Variants in MARCHF11 observed in about 807,000 individuals in gnomAD.
MARCHF11 encodes the protein E3 ubiquitin-protein ligase MARCHF11.
MARCHF11 carries 29 observed loss-of-function variants against 37.3 expected under a neutral mutation model. That is an observed-to-expected ratio of 0.78 (90% confidence interval 0.58 to 1.06). The LOEUF is 1.06. MARCHF11 is among the 50% of genes least tolerant of loss of function. The probability of loss-of-function intolerance (pLI) is 0.00; values close to 1 mark genes in which losing one functional copy is unlikely to be tolerated. For synonymous variants in MARCHF11, 233 were observed against 228.0 expected (o/e 1.02, Z -0.20); for missense variants, 482 against 533.4 (o/e 0.90, Z 0.95).
chr5:16,107,169 C>A (rs1476410090), intron 2 of MARCHF11, among the ~76,000 whole-genome samples: 1 of 152,180 alleles, frequency 6.6e-6, no homozygotes, highest in Non-Finnish European at 1.5e-5. Flanking sequence ...ATCCACATAA[C>A]AGCTGAACCA....
chr5:16,135,478 T>C (rs1737592581), intron 2 of MARCHF11, among the ~76,000 whole-genome samples: 1 of 152,216 alleles, frequency 6.6e-6, no homozygotes, highest in African/African-American at 2.4e-5. Context: ...TCCACCCTAT[T>C]GGCCATCTAC....
At chr5:16,075,293 A>C (rs1310892629) in intron 3 of MARCHF11, among the ~76,000 whole-genome samples, 1 of 152,132 alleles carries the variant, frequency 6.6e-6, no homozygotes, top group Non-Finnish European at 1.5e-5. Flanking sequence ...TGGAATGCCC[A>C]CTCTTACATT....
chr5:16,072,012 T>G (rs1250245706), intron 3 of MARCHF11, among the ~76,000 whole-genome samples: 1 of 152,126 alleles, frequency 6.6e-6, no homozygotes, highest in Non-Finnish European at 1.5e-5. Flanking sequence ...CAGGCTGGAG[T>G]GCAGTGACGT....
chr5:16,081,842 G>C (rs777237340), intron 3 of MARCHF11, among the ~76,000 whole-genome samples: 10 of 152,178 alleles, frequency 6.6e-5, no homozygotes, highest in Non-Finnish European at 1.0e-4. Flanking sequence ...CCCCCCTTGA[G>C]GGGGCCTTAA....
At chr5:16,164,803 C>A (rs969969618) in intron 2 of MARCHF11, among the ~76,000 whole-genome samples, 1 of 152,044 alleles carries the variant, frequency 6.6e-6, no homozygotes, top group East Asian at 1.9e-4. Flanking sequence ...TTCATCCCTG[C>A]CATCATCCTA....
intron 2 of MARCHF11, among the ~76,000 whole-genome samples, chr5:16,103,024 T>C (rs1001754830): frequency 6.6e-6 from 1 of 150,506 alleles, no homozygotes; most frequent in Non-Finnish European, 1.5e-5. Context: ...CTAATATGTA[T>C]AAATGTATTC....
At chr5:16,104,015 G>A (rs931326987) in intron 2 of MARCHF11, among the ~76,000 whole-genome samples, 2 of 152,172 alleles carry the variant, frequency 1.3e-5, no homozygotes, top group African/African-American at 4.8e-5. Flanking sequence ...GTGAGCAAAA[G>A]GAAAATAGTT....
chr5:16,167,430 A>G (rs171097), intron 2 of MARCHF11, among the ~76,000 whole-genome samples: 147,262 of 152,170 alleles, frequency 0.97, 71,369 homozygotes, highest in East Asian at 1. Flanking sequence ...ATGTTCCAGC[A>G]TGAAAACAGG....
intron 2 of MARCHF11, among the ~76,000 whole-genome samples, chr5:16,137,078 C>G (rs1165715007): frequency 4.6e-5 from 7 of 151,996 alleles, no homozygotes; most frequent in Non-Finnish European, 7.4e-5. Context: ...AGTATTAAAA[C>G]TAACACATCT....
intron 2 of MARCHF11, among the ~76,000 whole-genome samples, chr5:16,126,676 C>G (rs1455123906): frequency 1.3e-5 from 2 of 152,152 alleles, no homozygotes; most frequent in African/African-American, 4.8e-5. Context: ...AGTCTTTGGT[C>G]CTGTGTACAG....
chr5:16,168,680 G>A (rs1738209360), intron 2 of MARCHF11, among the ~76,000 whole-genome samples: 1 of 152,066 alleles, frequency 6.6e-6, no homozygotes, highest in Non-Finnish European at 1.5e-5. Context: ...CCATGGGGCT[G>A]GAGGTCTCAC....
At chr5:16,176,238 T>A (rs1738360818) in intron 2 of MARCHF11, among the ~76,000 whole-genome samples, 1 of 152,154 alleles carries the variant, frequency 6.6e-6, no homozygotes, top group South Asian at 2.1e-4. Flanking sequence ...AGTCTTCTGT[T>A]TCAGCCAATG....
intron 2 of MARCHF11, among the ~76,000 whole-genome samples, chr5:16,132,565 C>G (rs1490035586): frequency 6.6e-6 from 1 of 152,104 alleles, no homozygotes; most frequent in African/African-American, 2.4e-5. Context: ...AAACATTTGA[C>G]TGACAAGCAA....
chr5:16,171,928 C>G (rs529620434), intron 2 of MARCHF11, among the ~76,000 whole-genome samples: 134 of 152,214 alleles, frequency 8.8e-4, no homozygotes, highest in Non-Finnish European at 1.3e-4. Context: ...AGGAAGGTGT[C>G]CAAAGGGAAA....
chr5:16,089,570 T>G (rs1736758184), intron 3 of MARCHF11, among the ~76,000 whole-genome samples: 1 of 150,792 alleles, frequency 6.6e-6, no homozygotes, highest in African/African-American at 2.4e-5. Context: ...CCTATTAGAC[T>G]TGTACTAGTG....
At chr5:16,177,353 A>G (rs189062326) in intron 2 of MARCHF11, among the ~76,000 whole-genome samples, 3 of 152,352 alleles carry the variant, frequency 2.0e-5, no homozygotes, top group Admixed American at 6.5e-5. Flanking sequence ...AGCCCATTAG[A>G]GCTTAAATGC....
intron 2 of MARCHF11, among the ~76,000 whole-genome samples, chr5:16,120,664 C>G (rs950985538): frequency 2.0e-5 from 3 of 152,220 alleles, no homozygotes. Context: ...GGCAGCTCCT[C>G]CCATCAAGAG....
chr5:16,067,845 G>A, intron 3 of MARCHF11, 52 bp from the exon 4 acceptor site: 4 of 1,493,032 alleles, frequency 2.7e-6, no homozygotes, highest in Admixed American at 2.0e-5. Context: ...ATCCAAGGCT[G>A]GGAGTGTTAT....
intron 2 of MARCHF11, among the ~76,000 whole-genome samples, chr5:16,134,979 C>T (rs1231878833): frequency 4.2e-5 from 5 of 120,292 alleles, no homozygotes; most frequent in Non-Finnish European, 5.4e-5. Context: ...TGAGTGATTT[C>T]TCTCTCTCTC....
Sources: gnomAD v4.1 joint callset for allele counts (sites outside exome capture counted in the v4.1 genomes callset) on GRCh38, gnomAD v4.1.1 for gene constraint, MANE v1.5 for transcripts, NCBI Gene and HGNC (gene_info 2026-07-23, HGNC 2026-07-21) for gene names.